RYR1: variants seen among roughly 807,000 people sequenced by gnomAD.
The protein encoded by RYR1 is ryanodine receptor 1.
In RYR1, 342 loss-of-function variants were observed where a neutral mutation model predicts 583.5. The ratio of observed to expected loss-of-function variants is 0.59; its 90% confidence interval spans 0.54 to 0.64. RYR1 has a LOEUF of 0.64. Ranked by LOEUF, RYR1 falls within the 30% of genes least tolerant of loss-of-function variation. The probability of loss-of-function intolerance (pLI) is 0.00; values close to 1 mark genes in which losing one functional copy is unlikely to be tolerated. For missense variants in RYR1, 6,032 were observed against 6,917.2 expected, an observed-to-expected ratio of 0.87 and a Z score of 4.54; for synonymous variants, 2,791 against 2,822.5, an observed-to-expected ratio of 0.99 and a Z score of 0.35.
At chr19:38,570,716 A>T in intron 94 of RYR1, 23 bp downstream of exon 94, 3 of 1,587,634 alleles carry the variant, frequency 1.9e-6, no homozygotes, top group Non-Finnish European at 2.6e-6. Flanking sequence ...AAGGGCTGGG[A>T]GGGTCAGGCC....
chr19:38,445,761 G>C (rs2145347235), intron 7 of RYR1, among the ~76,000 whole-genome samples: 1 of 152,296 alleles, frequency 6.6e-6, no homozygotes, highest in Non-Finnish European at 1.5e-5. Flanking sequence ...GGCCAAGGCG[G>C]GTGGATCACT....
At chr19:38,513,330 C>T (rs1472086321) in intron 63 of RYR1, among the ~76,000 whole-genome samples, 1 of 151,536 alleles carries the variant, frequency 6.6e-6, no homozygotes, top group Non-Finnish European at 1.5e-5. Flanking sequence ...GAGCGAGACT[C>T]CATCTCAAAA....
intron 89 of RYR1, among the ~76,000 whole-genome samples, chr19:38,549,112 G>A (rs1972554721): frequency 6.6e-6 from 1 of 152,102 alleles, no homozygotes; most frequent in Non-Finnish European, 1.5e-5. Context: ...TCTAATGGGG[G>A]AGGCAGTCAC....
chr19:38,586,156 T>A lies in RYR1; in HGVS notation c.14934T>A (p.Thr4978=), dbSNP rs763467374. ...YFDTTPHGFE[T]HTLEEHNLAN... Reference sequence around the variant, plus strand: ...ATACGACACCGCATGGCTTCGAGACTCACACGCTGGAGGAGCACAACCTGG... The same window carrying A: ...ATACGACACCGCATGGCTTCGAGACACACACGCTGGAGGAGCACAACCTGG... The change falls in exon 104 of 106, where the codon ACT becomes ACA. Residue 4978 remains threonine (T), a synonymous_variant. Coordinates refer to ENST00000359596, the MANE Select transcript of RYR1 (RefSeq NM_000540.3). 1.9e-6 allele frequency: 3 copies of A among 1,613,922 alleles called. No homozygotes were observed. In the Admixed American group the frequency reaches 5.0e-5, roughly 27 times the overall value.
In RYR1 at chr19:38,459,126, A is replaced by C. The variant is rs758742649; in HGVS notation, c.2168-20A>C. The C allele has an allele frequency of 1.9e-6, 3 of 1,609,754 alleles. No homozygotes were observed. The highest frequency in any genetic ancestry group is 2.2e-5 in the South Asian group (2 of 90,980). On this transcript the variant is annotated intron_variant, in intron 18 of 105. Transcript: ENST00000359596. ...CTGTGGGACCTGTGACGTCTGACCC[A>C]TCTCTGGTGACTGATGCAGGACACG... is the stretch of plus-strand genomic sequence containing the variant.
intron 20 of RYR1, among the ~76,000 whole-genome samples, chr19:38,461,051 G>T (rs1381635559): frequency 1.3e-5 from 2 of 152,120 alleles, no homozygotes; most frequent in African/African-American, 4.8e-5. Flanking sequence ...CAGCTACTCG[G>T]GAGGCTGAGG....
chr19:38,502,408 A>G, intron 47 of RYR1, 99 bp from the exon 48 acceptor site: 1 of 1,170,718 alleles, frequency 8.5e-7, no homozygotes, highest in African/African-American at 1.5e-5. Flanking sequence ...TGGGGGAGTC[A>G]TCAGAAGCTT....
chr19:38,481,091 G>A (rs1968986034), intron 31 of RYR1, among the ~76,000 whole-genome samples: 1 of 151,892 alleles, frequency 6.6e-6, no homozygotes, highest in African/African-American at 2.4e-5. Context: ...CCAGGCTGGT[G>A]CGCAGTGGTG....
At chr19:38,548,154 G>A (rs541690989) in intron 88 of RYR1, 79 bp from the exon 89 acceptor site, 2 of 1,518,220 alleles carry the variant, frequency 1.3e-6, no homozygotes, top group East Asian at 4.6e-5. Flanking sequence ...GGTGGCTCCT[G>A]GGCTGGAAAG....
chr19:38,538,903 T>G (rs1031165633), intron 84 of RYR1, among the ~76,000 whole-genome samples: 9 of 152,180 alleles, frequency 5.9e-5, no homozygotes, highest in Non-Finnish European at 8.8e-5. Context: ...ACAAAAAACA[T>G]TCTACCCAAT....
rs372800712 is a variant in RYR1, at chr19:38,568,167, C to T, written c.13659+250C>T. ...TTCCAACCTCCATACCTCTGTTCATCGGGGCCACCCACCCACACTTCCACC... is the reference window on the plus strand; with the variant it reads ...TTCCAACCTCCATACCTCTGTTCATTGGGGCCACCCACCCACACTTCCACC... On this transcript the variant is annotated intron_variant, in intron 93 of 105. Transcript: ENST00000359596. Among the ~76,000 whole-genome samples the T allele has an allele frequency of 7.2e-4, 110 of 152,254 alleles. 1 individual carries two copies. In the South Asian group the frequency reaches 0.023, roughly 31 times the overall value.
chr19:38,463,934 G>C (rs192516524), intron 22 of RYR1, 84 bp downstream of exon 22: 1 of 988,608 alleles, frequency 1.0e-6, no homozygotes, highest in East Asian at 2.4e-5. Flanking sequence ...GCAGGAGGTA[G>C]AGACTGAGAG....
chr19:38,463,845 G>T lies in RYR1; in HGVS notation c.2781G>T (p.Thr927=), dbSNP rs762155957. The T allele has an allele frequency of 1.9e-6, 3 of 1,613,358 alleles. No homozygotes were observed. Among genetic ancestry groups the T allele is most frequent in the Non-Finnish European group, 2.5e-6 (3 of 1,179,508 alleles). ...ACAACCTGCAGATGTCTGGGGAGAC[G>T]CTCAAGTGAGGGCCCAGGGGAGCCG... ...RNYNLQMSGE[T]LKTLLALGCH... Residue 927 remains threonine (T), a synonymous_variant, in exon 22 of 106, where the codon ACG becomes ACT. Coordinates refer to ENST00000359596, the MANE Select transcript of RYR1 (RefSeq NM_000540.3).
At chr19:38,532,465 A>T (rs749293450) in intron 76 of RYR1, 25 bp from the exon 77 acceptor site, 4 of 1,613,528 alleles carry the variant, frequency 2.5e-6, no homozygotes, top group Non-Finnish European at 3.4e-6. Flanking sequence ...CCGGGTCCTG[A>T]CCACTCCCCT....
chr19:38,519,551 T>C, intron 67 of RYR1, 97 bp downstream of exon 67: 1 of 1,397,846 alleles, frequency 7.2e-7, no homozygotes, highest in Non-Finnish European at 9.8e-7. Flanking sequence ...AGAAACTTCT[T>C]CCAATGCTCT....
In RYR1 at chr19:38,586,529, T is replaced by C; in HGVS notation, c.14974T>C (p.Phe4992Leu). 1 of 1,614,128 alleles carries C rather than the reference T, an allele frequency of 6.2e-7. No individual in the cohort carries two copies. The highest frequency in any genetic ancestry group is 8.5e-7 in the Non-Finnish European group (1 of 1,179,936). Residue 4992 changes from phenylalanine to leucine, a missense_variant, in exon 105 of 106, where the codon TTC becomes CTC. By Grantham distance (22) the Phe-to-Leu change is conservative. Transcript: ENST00000359596. ...CTGTGGTCCTCTCACCCTCAGGTTTTTCCTGATGTATTTGATAAACAAGGA... is the reference window on the plus strand; with the variant it reads ...CTGTGGTCCTCTCACCCTCAGGTTTCTCCTGATGTATTTGATAAACAAGGA... ...EEHNLANYMF[F>L]LMYLINKDET...
At chr19:38,545,086 C>T (rs1490895738) in intron 87 of RYR1, among the ~76,000 whole-genome samples, 3 of 151,878 alleles carry the variant, frequency 2.0e-5, no homozygotes, top group African/African-American at 4.8e-5. Context: ...AAAAAAAAAA[C>T]CTGAGATTCT....
intron 89 of RYR1, among the ~76,000 whole-genome samples, chr19:38,548,855 T>C (rs1229442246): frequency 6.6e-6 from 1 of 152,232 alleles, no homozygotes; most frequent in Non-Finnish European, 1.5e-5. Flanking sequence ...GTGCTGGGAT[T>C]ATAGGCATGA....
intron 76 of RYR1, among the ~76,000 whole-genome samples, chr19:38,530,559 C>T (rs1474108464): frequency 2.6e-5 from 4 of 152,012 alleles, no homozygotes; most frequent in South Asian, 4.2e-4. Context: ...CATGAGCCAC[C>T]GCGCCTGTCA....
Sources: gnomAD v4.1 joint callset for allele counts (sites outside exome capture counted in the v4.1 genomes callset) on GRCh38, gnomAD v4.1.1 for gene constraint, MANE v1.5 for transcripts, NCBI Gene and HGNC (gene_info 2026-07-23, HGNC 2026-07-21) for gene names.